The following FAM171B variants were observed in gnomAD, a reference collection of about 807,000 sequenced individuals.
The protein encoded by FAM171B is family with sequence similarity 171 member B.
A neutral mutation model predicts 75.6 loss-of-function variants in FAM171B; 19 were observed. The observed-to-expected ratio is 0.25, with a 90% CI of 0.18 to 0.37. FAM171B has a LOEUF of 0.37. Among genes scored for constraint, FAM171B ranks in the 10% least tolerant of loss-of-function variants. The pLI, the probability that FAM171B is intolerant of heterozygous loss-of-function variation, is 1.00. For missense variants in FAM171B, 848 were observed against 982.4 expected (o/e 0.86, Z 1.83); for synonymous variants, 367 against 361.7 (o/e 1.01, Z -0.17).
At position 186,762,740 on chromosome 2, in the gene FAM171B, G is replaced by C; in HGVS notation, c.2398G>C (p.Gly800Arg). The C allele has an allele frequency of 6.2e-7, 1 of 1,613,154 alleles. No homozygotes were observed. The highest frequency in any genetic ancestry group is 8.5e-7 in the Non-Finnish European group (1 of 1,179,572). Reference sequence around the variant, plus strand: ...TAATACATCCCCCACTAAAAGAAGGGGCAGACCACCACTAGCCAAAAGAGA... The same window carrying C: ...TAATACATCCCCCACTAAAAGAAGGCGCAGACCACCACTAGCCAAAAGAGA... ...EANTSPTKRR[G>R]RPPLAKRDSK... Residue 800 changes from glycine (G) to arginine (R), a missense_variant, in exon 8 of 8, where the codon GGC (glycine) becomes CGC (arginine). Physicochemically the swap from Gly to Arg is moderately radical, Grantham distance 125. Transcript: ENST00000304698. The surrounding 1 kb of genome is among the most constrained non-coding windows in gnomAD (Gnocchi z 4.0).
intron 6 of FAM171B, among the ~76,000 whole-genome samples, chr2:186,755,446 T>TA (rs1690519643): frequency 6.6e-6 from 1 of 152,222 alleles, no homozygotes; most frequent in Admixed American, 6.5e-5. Flanking sequence ...TTTTCAGAGA[T>TA]AATTCTTTTG....
At chr2:186,699,348 A>G (rs940123924) in intron 1 of FAM171B, among the ~76,000 whole-genome samples, 2 of 151,994 alleles carry the variant, frequency 1.3e-5, no homozygotes, top group Non-Finnish European at 2.9e-5. Flanking sequence ...ATCTCATTGT[A>G]GTTTTGATTT....
At chr2:186,732,216 G>A (rs753827556) in intron 1 of FAM171B, among the ~76,000 whole-genome samples, 2 of 152,048 alleles carry the variant, frequency 1.3e-5, no homozygotes, top group South Asian at 2.1e-4. Flanking sequence ...TTCCATTTGA[G>A]TTTGAGGACA....
At chr2:186,720,458 T>G (rs1209122251) in intron 1 of FAM171B, among the ~76,000 whole-genome samples, 3 of 152,182 alleles carry the variant, frequency 2.0e-5, no homozygotes, top group African/African-American at 4.8e-5. Context: ...TGGCTCCTAC[T>G]GATACAGTCA....
chr2:186,700,564 C>A (rs1481027899), intron 1 of FAM171B, among the ~76,000 whole-genome samples: 1 of 152,172 alleles, frequency 6.6e-6, no homozygotes, highest in Non-Finnish European at 1.5e-5. Context: ...TTTTGTAGCA[C>A]ATTTAGTAGT....
At chr2:186,721,872 C>G (rs13033579) in intron 1 of FAM171B, among the ~76,000 whole-genome samples, 33,975 of 150,000 alleles carry the variant, frequency 0.23, 4,656 homozygotes, top group South Asian at 0.32. Context: ...AACTTGATGT[C>G]TAACTTAGTA....
chr2:186,698,632 C>G (rs1689614176), intron 1 of FAM171B, among the ~76,000 whole-genome samples: 1 of 152,124 alleles, frequency 6.6e-6, no homozygotes, highest in Non-Finnish European at 1.5e-5. Context: ...ATTTGTGTTA[C>G]AAACATTCCA....
intron 1 of FAM171B, among the ~76,000 whole-genome samples, chr2:186,734,155 G>C (rs1408877661): frequency 6.6e-6 from 1 of 152,184 alleles, no homozygotes; most frequent in Non-Finnish European, 1.5e-5. Context: ...TGTTATCAGT[G>C]TAGGTATAAA....
In FAM171B at chr2:186,762,747, C is replaced by T; in HGVS notation, c.2405C>T (p.Pro802Leu). 1 of 1,613,240 alleles carries T rather than the reference C, an allele frequency of 6.2e-7. No individual in the cohort carries two copies. ...TCCCCCACTAAAAGAAGGGGCAGAC[C>T]ACCACTAGCCAAAAGAGATAGCAAG... ...NTSPTKRRGR[P>L]PLAKRDSKTN... Residue 802 changes from proline (P) to leucine (L), a missense_variant, in exon 8 of 8, where the codon CCA becomes CTA. Physicochemically the swap from Pro to Leu is moderately conservative, Grantham distance 98. Around this residue, in one of 3 missense-constraint regions of FAM171B, gnomAD observed 136 missense variants for 159.3 expected, o/e 0.85. Coordinates refer to ENST00000304698, the MANE Select transcript of FAM171B (RefSeq NM_177454.4). The surrounding 1 kb of genome is among the most constrained non-coding windows in gnomAD (Gnocchi z 4.0).
rs1690288078 is a variant in FAM171B at position 186,741,536 on chromosome 2, A to T, written c.472+1075A>T. On this transcript the variant is annotated intron_variant, in intron 2 of 7. Transcript: ENST00000304698. ...TAAATGGACAAAATCATGGCCTATC[A>T]ATTTTCAAAACAGGAAATACAAATG... Among the ~76,000 whole-genome samples, 3 of 152,146 alleles carry T rather than the reference A, an allele frequency of 2.0e-5. No homozygotes were observed. The South Asian group carries it at 6.2e-4, about 31-fold the overall frequency.
At chr2:186,724,335 G>T (rs1690000243) in intron 1 of FAM171B, among the ~76,000 whole-genome samples, 2 of 152,142 alleles carry the variant, frequency 1.3e-5, no homozygotes, top group Non-Finnish European at 2.9e-5. Flanking sequence ...TATGCTGGGG[G>T]TCCTGTGTTT....
chr2:186,700,076 G>T (rs939026932), intron 1 of FAM171B, among the ~76,000 whole-genome samples: 8 of 147,556 alleles, frequency 5.4e-5, no homozygotes, highest in Non-Finnish European at 1.2e-4. Context: ...CAATTTTGTT[G>T]TTTTTTTTTT....
In FAM171B at chr2:186,748,335, G is replaced by A. The variant is rs1334918189; in HGVS notation, c.724+1085G>A. On this transcript the variant is annotated intron_variant, in intron 4 of 7. Coordinates refer to ENST00000304698, the MANE Select transcript of FAM171B (RefSeq NM_177454.4). ...CTTTTTTTTTTTTTTCAGATATTTT[G>A]TTCATTTCATTTGAGGAACAGCCAG... is the stretch of plus-strand genomic sequence containing the variant. 2.2e-5 allele frequency among the ~76,000 whole-genome samples: 3 copies of A among 134,524 alleles called. No individual in the cohort carries two copies. The East Asian group carries it at 6.5e-4, about 29-fold the overall frequency. The allele number at this position is 134,524 out of a possible 152,430, so 88.3% of individuals were successfully genotyped here.
intron 1 of FAM171B, among the ~76,000 whole-genome samples, chr2:186,719,438 C>T (rs1689919682): frequency 6.6e-6 from 1 of 152,146 alleles, no homozygotes; most frequent in Non-Finnish European, 1.5e-5. Flanking sequence ...CCAATGGAAT[C>T]CCAAAACAAC....
chr2:186,761,174 C>A lies in FAM171B; in HGVS notation c.1074C>A (p.Ala358=), dbSNP rs146512742. The A allele has an allele frequency of 1.9e-5, 31 of 1,612,326 alleles. No individual in the cohort carries two copies. The East Asian group carries it at 6.7e-4, about 35-fold the overall frequency. ...CCTACCACACAGTGTTTCTTACAGC[C>A]ATATTAGGAGGAACAATAGTCATTG... ...ITAYHTVFLT[A]ILGGTIVIVI... The change falls in exon 7 of 8, where the codon GCC becomes GCA. Residue 358 remains alanine, a synonymous_variant. Transcript: ENST00000304698.
chr2:186,764,045 C>A lies in FAM171B; in HGVS notation c.*1222C>A, dbSNP rs1398311366. The A allele has an allele frequency of 6.6e-6, 1 of 151,986 alleles. No individual in the cohort carries two copies. Among genetic ancestry groups the A allele is most frequent in the Admixed American group, 6.6e-5 (1 of 15,238 alleles). The allele number at this position is 151,986 out of a possible 1,614,324, so 9.4% of individuals were successfully genotyped here. A position where few individuals can be genotyped will look rare whatever the true frequency, so the allele number is the denominator to read the frequency against. On this transcript the variant is annotated 3_prime_UTR_variant, in exon 8 of 8. Coordinates refer to ENST00000304698, the MANE Select transcript of FAM171B (RefSeq NM_177454.4). ...CATTATAGCAAGCATTCAATGTGAA[C>A]AACTTTTTAATTAACTCTGAATTAC...
At chr2:186,760,665 C>T (rs535150271) in intron 6 of FAM171B, among the ~76,000 whole-genome samples, 1 of 151,756 alleles carries the variant, frequency 6.6e-6, no homozygotes, top group East Asian at 1.9e-4. Context: ...TCCATTGCTG[C>T]AGTAACAAAC....
chr2:186,748,706 C>T (rs565766866), intron 4 of FAM171B, among the ~76,000 whole-genome samples: 13 of 152,304 alleles, frequency 8.5e-5, no homozygotes, highest in Admixed American at 5.2e-4. Context: ...TGCTGAATTA[C>T]GCTTCTGTTA....
chr2:186,717,883 G>A (rs1689896474), intron 1 of FAM171B, among the ~76,000 whole-genome samples: 1 of 152,112 alleles, frequency 6.6e-6, no homozygotes, highest in Admixed American at 6.6e-5. Context: ...CCTCCTGCTA[G>A]ACTTTCCAGT....
Sources: gnomAD v4.1 joint callset for allele counts (sites outside exome capture counted in the v4.1 genomes callset) on GRCh38, gnomAD v4.1.1 for gene constraint, gnomAD v4.1.1 regional missense constraint, Gnocchi (gnomAD v3.1) non-coding constraint, MANE v1.5 for transcripts, NCBI Gene and HGNC (gene_info 2026-07-23, HGNC 2026-07-21) for gene names.